Variants in ATP11B observed in about 807,000 individuals in gnomAD.
ATP11B encodes phospholipid-transporting ATPase IF.
ATP11B carries 81 observed loss-of-function variants against 157.8 expected under a neutral mutation model. The ratio of observed to expected loss-of-function variants is 0.51; its 90% confidence interval spans 0.43 to 0.62. ATP11B has a LOEUF of 0.62. ATP11B is among the 20% of genes least tolerant of loss of function. The probability of loss-of-function intolerance (pLI) is 0.00; values close to 1 mark genes in which losing one functional copy is unlikely to be tolerated. For synonymous variants in ATP11B, 451 were observed against 469.4 expected, an observed-to-expected ratio of 0.96 and a Z score of 0.51; for missense variants, 1,165 against 1,402.2, an observed-to-expected ratio of 0.83 and a Z score of 2.70.
intron 10 of ATP11B, among the ~76,000 whole-genome samples, chr3:182,852,754 A>C (rs371295829): frequency 1.3e-4 from 20 of 152,236 alleles, no homozygotes; most frequent in African/African-American, 4.8e-4. Flanking sequence ...TCTGTAAAAC[A>C]TGGGAGAAAA....
At chr3:182,798,535 C>G (rs1023941885) in intron 1 of ATP11B, among the ~76,000 whole-genome samples, 1 of 152,148 alleles carries the variant, frequency 6.6e-6, no homozygotes, top group African/African-American at 2.4e-5. Flanking sequence ...TTCTTAGATA[C>G]GCAGTTTTGC....
intron 1 of ATP11B, among the ~76,000 whole-genome samples, chr3:182,803,871 C>A (rs1198231147): frequency 6.6e-6 from 1 of 152,198 alleles, no homozygotes; most frequent in Non-Finnish European, 1.5e-5. Context: ...ACCTTGGTCT[C>A]ATTCTAGATT....
chr3:182,906,537 G>A (rs1296981561), intron 28 of ATP11B, among the ~76,000 whole-genome samples: 8 of 152,126 alleles, frequency 5.3e-5, no homozygotes, highest in South Asian at 4.2e-4. Flanking sequence ...TCGACCTCCC[G>A]GGCTCAAGCG....
In ATP11B at chr3:182,887,652, T is replaced by A. The variant is rs375332861; in HGVS notation, c.2782T>A (p.Tyr928Asn). Residue 928 changes from tyrosine to asparagine, a missense_variant, in exon 24 of 30, where the codon TAT becomes AAT. This residue lies in a region of ATP11B where 737 missense variants were observed against 930.5 expected (regional missense o/e 0.79). Coordinates refer to ENST00000323116, the MANE Select transcript of ATP11B (RefSeq NM_014616.3). Reference sequence around the variant, plus strand: ...TTTTACTTCCCTACCTATTCTGATATATAGTCTTTTGGAACAGCATGTAGA... The same window carrying A: ...TTTTACTTCCCTACCTATTCTGATAAATAGTCTTTTGGAACAGCATGTAGA... ...ICFTSLPILI[Y>N]SLLEQHVDPH... is the part of the protein sequence containing the mutation. The A allele has an allele frequency of 3.1e-6, 5 of 1,613,112 alleles. No individual in the cohort carries two copies. The highest frequency in any genetic ancestry group is 4.2e-6 in the Non-Finnish European group (5 of 1,179,592).
intron 21 of ATP11B, among the ~76,000 whole-genome samples, chr3:182,882,202 T>C (rs1722475161): frequency 6.6e-6 from 1 of 152,144 alleles, no homozygotes; most frequent in Non-Finnish European, 1.5e-5. Flanking sequence ...TTAGATCAAC[T>C]CCTTCCTCTT....
intron 2 of ATP11B, among the ~76,000 whole-genome samples, chr3:182,824,156 G>GT (rs1374160212): frequency 6.6e-6 from 1 of 152,104 alleles, no homozygotes; most frequent in African/African-American, 2.4e-5. Context: ...GCAAGTATTA[G>GT]TATCAGTAAT....
chr3:182,876,843 A>T (rs148961625), intron 19 of ATP11B, among the ~76,000 whole-genome samples: 18 of 152,386 alleles, frequency 1.2e-4, no homozygotes, highest in Non-Finnish European at 2.5e-4. Flanking sequence ...AAGGGATTCG[A>T]CATTCAAACC....
chr3:182,911,726 G>A (rs1334453088), intron 28 of ATP11B, among the ~76,000 whole-genome samples: 1 of 152,138 alleles, frequency 6.6e-6, no homozygotes, highest in East Asian at 1.9e-4. Context: ...ATTGAGCACA[G>A]GGTTACTATC....
intron 25 of ATP11B, among the ~76,000 whole-genome samples, chr3:182,893,187 TA>T (rs1723288601): frequency 6.6e-6 from 1 of 152,252 alleles, no homozygotes; most frequent in Non-Finnish European, 1.5e-5. Flanking sequence ...TTTTTAAAGT[TA>T]AAAATAAGCT....
intron 29 of ATP11B, chr3:182,915,002 G>GA: frequency 1.0e-6 from 1 of 985,352 alleles, no homozygotes; most frequent in Non-Finnish European, 1.2e-6. Context: ...CCAGGGCTTG[G>GA]AAAAGGTTGG....
chr3:182,892,356 C>T (rs1723236201), intron 25 of ATP11B, among the ~76,000 whole-genome samples: 1 of 152,108 alleles, frequency 6.6e-6, no homozygotes, highest in Non-Finnish European at 1.5e-5. Flanking sequence ...TTGAATGCTT[C>T]CTGTTTTCTA....
chr3:182,803,812 A>G (rs1000136939), intron 1 of ATP11B, among the ~76,000 whole-genome samples: 4 of 152,184 alleles, frequency 2.6e-5, no homozygotes, highest in Non-Finnish European at 5.9e-5. Context: ...GACACGTACC[A>G]GCATTCTCTT....
intron 28 of ATP11B, among the ~76,000 whole-genome samples, chr3:182,910,073 G>GAAAA (rs34483660): frequency 1.1e-4 from 7 of 63,358 alleles, no homozygotes; most frequent in South Asian, 6.5e-4. Context: ...TCGGCCTCCA[G>GAAAA]AAAAAAAAAA....
intron 1 of ATP11B, among the ~76,000 whole-genome samples, chr3:182,818,527 C>T (rs1158287283): frequency 1.3e-5 from 2 of 152,126 alleles, no homozygotes; most frequent in African/African-American, 4.8e-5. Flanking sequence ...TTTAAATAGT[C>T]TGAACAAATA....
intron 28 of ATP11B, among the ~76,000 whole-genome samples, chr3:182,899,615 T>G (rs183860008): frequency 2.0e-5 from 3 of 152,220 alleles, no homozygotes; most frequent in Non-Finnish European, 4.4e-5. Flanking sequence ...TGTTACATAG[T>G]GCTTAAGAAT....
In ATP11B at chr3:182,889,564, T is replaced by C. The variant is rs1358409936; in HGVS notation, c.2982+16T>C. 1 of 1,520,608 alleles carries C rather than the reference T, an allele frequency of 6.6e-7. No individual in the cohort carries two copies. Among genetic ancestry groups the C allele is most frequent in the Non-Finnish European group, 8.7e-7 (1 of 1,143,216 alleles). The allele number at this position is 1,520,608 out of a possible 1,614,324, so 94.2% of individuals were successfully genotyped here. ...AAATGGCCAGGTAAAGTATATAGTT[T>C]TTTTAAAGAATGCTTGTTAATATTT... On this transcript the variant is annotated intron_variant, in intron 25 of 29. Coordinates refer to ENST00000323116, the MANE Select transcript of ATP11B (RefSeq NM_014616.3).
intron 1 of ATP11B, among the ~76,000 whole-genome samples, chr3:182,801,716 C>G (rs1716026143): frequency 6.6e-6 from 1 of 152,146 alleles, no homozygotes; most frequent in African/African-American, 2.4e-5. Context: ...TCGCTTCTTC[C>G]TTTCCTTCCA....
chr3:182,824,769 A>G (rs1717604591), intron 2 of ATP11B, among the ~76,000 whole-genome samples: 1 of 152,338 alleles, frequency 6.6e-6, no homozygotes, highest in African/African-American at 2.4e-5. Flanking sequence ...CTATTACGCC[A>G]CTATTGCTTT....
intron 25 of ATP11B, among the ~76,000 whole-genome samples, chr3:182,890,020 G>A (rs1381267565): frequency 2.0e-5 from 3 of 152,136 alleles, no homozygotes; most frequent in Non-Finnish European, 2.9e-5. Context: ...GTTTGCCTAG[G>A]AAATGCTACC....
Sources: allele counts gnomAD v4.1 joint callset (sites outside exome capture counted in the v4.1 genomes callset), GRCh38; gene constraint gnomAD v4.1.1; regional missense constraint gnomAD v4.1.1; transcripts MANE v1.5; gene names NCBI Gene and HGNC (gene_info 2026-07-23, HGNC 2026-07-21).